The following HLCS variants were observed in gnomAD, a reference collection of about 807,000 sequenced individuals.
HLCS encodes biotin--protein ligase.
Under a neutral mutation model 75.0 loss-of-function variants are expected in HLCS, and 53 were observed. The observed-to-expected ratio is 0.71, with a 90% CI of 0.57 to 0.89. HLCS has a LOEUF of 0.89. Ranked by LOEUF, HLCS falls within the 40% of genes least tolerant of loss-of-function variation. The pLI, the probability that HLCS is intolerant of heterozygous loss-of-function variation, is 0.00. For synonymous variants in HLCS, 431 were observed against 428.6 expected (o/e 1.01, Z -0.07); for missense variants, 966 against 1,074.0 (o/e 0.90, Z 1.41).
chr21:36,821,472 C>T (rs926603074), intron 6 of HLCS, among the ~76,000 whole-genome samples: 4 of 152,224 alleles, frequency 2.6e-5, no homozygotes, highest in East Asian at 3.9e-4. Flanking sequence ...CCAGCTAACA[C>T]GGCCACCGTG....
chr21:36,756,069 G>A (rs951402366), intron 10 of HLCS, among the ~76,000 whole-genome samples: 1 of 152,106 alleles, frequency 6.6e-6, no homozygotes, highest in African/African-American at 2.4e-5. Context: ...CTTGGTCAAG[G>A]TGGTGTCCCT....
chr21:36,823,731 C>T (rs920166511), intron 6 of HLCS, among the ~76,000 whole-genome samples: 1 of 151,818 alleles, frequency 6.6e-6, no homozygotes, highest in Non-Finnish European at 1.5e-5. Context: ...GTCAGTATCA[C>T]CTGTGTAAAT....
chr21:36,954,322 T>C (rs537562556), intron 2 of HLCS, among the ~76,000 whole-genome samples: 1 of 146,596 alleles, frequency 6.8e-6, no homozygotes, highest in Non-Finnish European at 1.5e-5. Context: ...TAAAATAAAA[T>C]AAAAAGTATA....
At chr21:36,930,934 T>C (rs2066608538) in intron 4 of HLCS, among the ~76,000 whole-genome samples, 1 of 152,174 alleles carries the variant, frequency 6.6e-6, no homozygotes, top group South Asian at 2.1e-4. Flanking sequence ...GGTACTGATG[T>C]TCCACACTCA....
chr21:36,927,879 A>G (rs986007844), intron 5 of HLCS, among the ~76,000 whole-genome samples: 1 of 152,216 alleles, frequency 6.6e-6, no homozygotes, highest in Admixed American at 6.5e-5. Flanking sequence ...AAGCCAGCCC[A>G]GGCATCCAAT....
chr21:36,797,765 C>T (rs2061070582), intron 6 of HLCS, among the ~76,000 whole-genome samples: 1 of 152,188 alleles, frequency 6.6e-6, no homozygotes, highest in African/African-American at 2.4e-5. Context: ...TTGGTGGGCA[C>T]ACACGGTCTG....
rs148845011 is a variant in HLCS, at chr21:36,759,876, C to T, written c.2122-35G>A. On this transcript the variant is annotated intron_variant, in intron 8 of 10. Coordinates refer to ENST00000674895, the MANE Select transcript of HLCS (RefSeq NM_001352514.2). The stretch of plus-strand genomic sequence containing the variant: ...AATCTGCACATTAATTAAGCCGTCA[C>T]AGGACACAAGGGGCCCAGGCAAGTC... 1.7e-3 allele frequency: 2,319 copies of T among 1,350,400 alleles called. 28 individuals carry two copies. In the African/African-American group the frequency reaches 0.028, roughly 17 times the overall value. 83.7% of individuals were successfully genotyped at this position (1,350,400 alleles called of 1,614,324 possible). A position where few individuals can be genotyped will look rare whatever the true frequency, so the allele number is the denominator to read the frequency against.
chr21:36,891,289 G>A (rs2064774219), intron 6 of HLCS, among the ~76,000 whole-genome samples: 2 of 152,172 alleles, frequency 1.3e-5, no homozygotes, highest in Admixed American at 6.5e-5. Flanking sequence ...GTGAGCCAAC[G>A]CACCAATGCT....
chr21:36,913,161 C>A (rs1364599463), intron 5 of HLCS, among the ~76,000 whole-genome samples: 1 of 152,094 alleles, frequency 6.6e-6, no homozygotes, highest in Non-Finnish European at 1.5e-5. Flanking sequence ...TAACGACTGC[C>A]CAAACCACAC....
chr21:36,948,728 CAAAA>C (rs58685577), intron 2 of HLCS, among the ~76,000 whole-genome samples: 13 of 55,878 alleles, frequency 2.3e-4, no homozygotes, highest in African/African-American at 7.0e-4. Flanking sequence ...GACCCTGTCT[CAAAA>C]AAAAAAAAAA....
At position 36,910,546 on chromosome 21, in the gene HLCS, G is replaced by GA. The variant is rs201799627; in HGVS notation, c.1621-13416dup. Among the ~76,000 whole-genome samples the GA allele has an allele frequency of 2.1e-3, 302 of 144,058 alleles. 1 individual carries two copies. The highest frequency in any genetic ancestry group is 3.5e-3 in the Middle Eastern group (1 of 282). The allele number at this position is 144,058 out of a possible 152,430, so 94.5% of individuals were successfully genotyped here. A position where few individuals can be genotyped will look rare whatever the true frequency, so the allele number is the denominator to read the frequency against. ...GGGGGACAGGGCAAGACTCTGTATG[G>GA]AAAAAAAAAAAAATGGCGCTCCTGA... On this transcript the variant is annotated intron_variant, in intron 5 of 10. Coordinates refer to ENST00000674895, the MANE Select transcript of HLCS (RefSeq NM_001352514.2).
chr21:36,782,421 A>G (rs1180711640), intron 6 of HLCS, among the ~76,000 whole-genome samples: 1 of 152,148 alleles, frequency 6.6e-6, no homozygotes, highest in African/African-American at 2.4e-5. Context: ...GTTTATATTA[A>G]TGTGGACTAC....
At chr21:36,889,703 G>C (rs2064692234) in intron 6 of HLCS, among the ~76,000 whole-genome samples, 1 of 152,132 alleles carries the variant, frequency 6.6e-6, no homozygotes, top group Non-Finnish European at 1.5e-5. Flanking sequence ...TGTGAGCCTG[G>C]AACACGGAGA....
chr21:36,931,277 C>A (rs1216944232), intron 4 of HLCS, among the ~76,000 whole-genome samples: 1 of 92,852 alleles, frequency 1.1e-5, no homozygotes, highest in Non-Finnish European at 2.0e-5. Flanking sequence ...GAGTGAAACT[C>A]CATCGCAAAA....
chr21:36,898,008 C>T (rs191386350), intron 5 of HLCS, among the ~76,000 whole-genome samples: 8 of 152,318 alleles, frequency 5.3e-5, no homozygotes, highest in Admixed American at 3.9e-4. Flanking sequence ...AGGCCCTTTA[C>T]GTCCCAAAGC....
At chr21:36,857,516 T>G (rs753581221) in intron 6 of HLCS, among the ~76,000 whole-genome samples, 8 of 152,204 alleles carry the variant, frequency 5.3e-5, no homozygotes, top group Non-Finnish European at 7.3e-5. Flanking sequence ...AGGTTACCAA[T>G]GATACCAGCA....
intron 2 of HLCS, among the ~76,000 whole-genome samples, chr21:36,957,353 T>C (rs2068019910): frequency 6.6e-6 from 1 of 152,310 alleles, no homozygotes; most frequent in Admixed American, 6.5e-5. Context: ...TGACTGTTCC[T>C]CAAGGCCCTC....
At chr21:36,767,307 C>A (rs778607422) in intron 6 of HLCS, 22 bp from the exon 7 acceptor site, 4 of 1,613,130 alleles carry the variant, frequency 2.5e-6, no homozygotes, top group Non-Finnish European at 3.4e-6. Flanking sequence ...GGGGAAAGAC[C>A]GGTTAGGCCA....
intron 6 of HLCS, among the ~76,000 whole-genome samples, chr21:36,827,850 G>C (rs1476157822): frequency 6.7e-6 from 1 of 149,630 alleles, no homozygotes; most frequent in Non-Finnish European, 1.5e-5. Flanking sequence ...GTCTCACTGG[G>C]TCATCCAGGC....
Sources: allele counts gnomAD v4.1 joint callset (sites outside exome capture counted in the v4.1 genomes callset), GRCh38; gene constraint gnomAD v4.1.1; transcripts MANE v1.5; gene names NCBI Gene and HGNC (gene_info 2026-07-23, HGNC 2026-07-21).